Variants in SCML4 observed in about 807,000 individuals in gnomAD.
SCML4 encodes the protein Scm polycomb group protein like 4.
A neutral mutation model predicts 41.1 loss-of-function variants in SCML4; 34 were observed. The ratio of observed to expected loss-of-function variants is 0.83; its 90% CI spans 0.63 to 1.10. The LOEUF is 1.10. Ranked by LOEUF, SCML4 falls within the 50% of genes least tolerant of loss-of-function variation. The pLI, the probability that SCML4 is intolerant of heterozygous loss-of-function variation, is 0.00. For missense variants in SCML4, 522 were observed against 534.1 expected (o/e 0.98, Z 0.22); for synonymous variants, 214 against 220.9 (o/e 0.97, Z 0.28).
chr6:107,798,797 T>C (rs1782894733), intron 1 of SCML4, among the ~76,000 whole-genome samples: 1 of 152,128 alleles, frequency 6.6e-6, no homozygotes, highest in Non-Finnish European at 1.5e-5. Context: ...GAGCTTTCTT[T>C]TCTGTTTTCA....
At chr6:107,820,293 C>T (rs906490614) in intron 1 of SCML4, among the ~76,000 whole-genome samples, 2 of 152,192 alleles carry the variant, frequency 1.3e-5, no homozygotes, top group African/African-American at 4.8e-5. Flanking sequence ...TCACCACTTG[C>T]CCTCCAGATG....
chr6:107,761,280 A>G (rs115822564), intron 2 of SCML4, among the ~76,000 whole-genome samples: 1,757 of 152,304 alleles, frequency 0.012, 33 homozygotes, highest in African/African-American at 0.04. Context: ...ATATAAATCC[A>G]CACGTCAACA....
At chr6:107,788,010 G>A (rs1782031304) in intron 1 of SCML4, among the ~76,000 whole-genome samples, 1 of 152,140 alleles carries the variant, frequency 6.6e-6, no homozygotes, top group South Asian at 2.1e-4. Flanking sequence ...TCGGACCCAG[G>A]GAACAATCAG....
At chr6:107,706,421 T>G (rs1050177998) in intron 7 of SCML4, among the ~76,000 whole-genome samples, 3 of 152,210 alleles carry the variant, frequency 2.0e-5, no homozygotes, top group African/African-American at 7.2e-5. Flanking sequence ...AAAAGGCAAG[T>G]GCTGAGTTAG....
intron 5 of SCML4, among the ~76,000 whole-genome samples, chr6:107,736,289 C>T (rs976570504): frequency 6.6e-6 from 1 of 152,208 alleles, no homozygotes; most frequent in Admixed American, 6.5e-5. Flanking sequence ...TTGCTAGAAG[C>T]AACACAGGTG....
At chr6:107,773,707 G>T (rs1441402942) in intron 1 of SCML4, among the ~76,000 whole-genome samples, 1 of 152,220 alleles carries the variant, frequency 6.6e-6, no homozygotes, top group East Asian at 1.9e-4. Context: ...TGAGTTCAGG[G>T]GTCAGACTTC....
chr6:107,752,568 G>C (rs146286162), intron 2 of SCML4, among the ~76,000 whole-genome samples: 5 of 152,256 alleles, frequency 3.3e-5, no homozygotes, highest in African/African-American at 1.2e-4. Context: ...GCACCCAATG[G>C]GGTAGAAAGA....
At chr6:107,763,107 T>A (rs1028161100) in intron 2 of SCML4, among the ~76,000 whole-genome samples, 1 of 152,082 alleles carries the variant, frequency 6.6e-6, no homozygotes, top group Non-Finnish European at 1.5e-5. Flanking sequence ...GGTCTCGAAC[T>A]CTTAGGCTCA....
chr6:107,766,991 A>G (rs1780108161), intron 2 of SCML4, among the ~76,000 whole-genome samples: 1 of 147,206 alleles, frequency 6.8e-6, no homozygotes, highest in Admixed American at 7.0e-5. Flanking sequence ...TCGCCCTGTC[A>G]CTAGGCTGGA....
chr6:107,823,054 C>T (rs1030727511), intron 1 of SCML4, among the ~76,000 whole-genome samples: 3 of 151,682 alleles, frequency 2.0e-5, no homozygotes, highest in Non-Finnish European at 4.4e-5. Flanking sequence ...CTATATCCCT[C>T]ATTCTTCAAA....
the SCML4 span, among the ~76,000 whole-genome samples, chr6:107,845,555 A>T: frequency 6.6e-6 from 1 of 152,244 alleles, no homozygotes; most frequent in African/African-American, 2.4e-5. Flanking sequence ...CACTTGCTTG[A>T]GAGATTTCCT....
intron 2 of SCML4, among the ~76,000 whole-genome samples, chr6:107,771,186 A>G (rs958811014): frequency 6.6e-6 from 1 of 152,182 alleles, no homozygotes; most frequent in Non-Finnish European, 1.5e-5. Context: ...ACTATGGAGA[A>G]CCAAAGGGAT....
chr6:107,746,644 G>C (rs1462875397), intron 4 of SCML4, 45 bp downstream of exon 4: 1 of 1,548,692 alleles, frequency 6.5e-7, no homozygotes, highest in African/African-American at 1.4e-5. Context: ...TTCCTCTGCA[G>C]AGAGACATCC....
chr6:107,720,045 T>C (rs566818959), intron 6 of SCML4: 17 of 985,462 alleles, frequency 1.7e-5, no homozygotes, highest in African/African-American at 8.7e-5. Flanking sequence ...ACAACCAGCA[T>C]TGGGGGAATT....
At chr6:107,806,194 C>A (rs557515888) in intron 1 of SCML4, among the ~76,000 whole-genome samples, 245 of 20,942 alleles carry the variant, frequency 0.012, 1 homozygote, top group African/African-American at 0.015. Flanking sequence ...TTTCCCCCCC[C>A]CCAATAAACA....
the SCML4 span, among the ~76,000 whole-genome samples, chr6:107,831,165 G>C: frequency 6.6e-6 from 1 of 152,074 alleles, no homozygotes; most frequent in Non-Finnish European, 1.5e-5. Flanking sequence ...GATGAGGGGA[G>C]GGGGACACAG....
At chr6:107,824,727 G>A (rs9486730), upstream of SCML4, among the ~76,000 whole-genome samples, 44,458 of 151,892 alleles carry the variant, frequency 0.29, 9,851 homozygotes, top group African/African-American at 0.63. Context: ...CTGTAACATC[G>A]TCTCTTTGTC....
intron 5 of SCML4, among the ~76,000 whole-genome samples, chr6:107,723,379 C>T (rs1468697608): frequency 1.3e-5 from 2 of 152,222 alleles, no homozygotes; most frequent in African/African-American, 4.8e-5. Flanking sequence ...TTGAATATCT[C>T]ATGTAATTTA....
chr6:107,707,580 A>T (rs1420335166), intron 7 of SCML4, among the ~76,000 whole-genome samples: 1 of 152,160 alleles, frequency 6.6e-6, no homozygotes, highest in African/African-American at 2.4e-5. Flanking sequence ...GCATTCACAG[A>T]CGGCTGGATG....
Sources: gnomAD v4.1 joint callset for allele counts (sites outside exome capture counted in the v4.1 genomes callset) on GRCh38, gnomAD v4.1.1 for gene constraint, MANE v1.5 for transcripts, NCBI Gene and HGNC (gene_info 2026-07-23, HGNC 2026-07-21) for gene names.